Variants in SGCD observed in about 807,000 individuals in gnomAD.
SGCD encodes delta-sarcoglycan.
SGCD carries 18 observed loss-of-function variants against 36.6 expected under a neutral mutation model. The observed-to-expected ratio is 0.49, with a 90% CI of 0.34 to 0.73. The LOEUF (loss-of-function observed/expected upper bound fraction) is 0.73. Ranked by LOEUF, SGCD falls within the 30% of genes least tolerant of loss-of-function variation. The pLI, the probability that SGCD is intolerant of heterozygous loss-of-function variation, is 0.01. For missense variants in SGCD, 387 were observed against 346.7 expected, an observed-to-expected ratio of 1.12 and a Z score of -0.92; for synonymous variants, 133 against 130.6, an observed-to-expected ratio of 1.02 and a Z score of -0.12.
intron 1 of SGCD, among the ~76,000 whole-genome samples, chr5:155,903,828 G>A (rs1345374923): frequency 1.3e-5 from 2 of 152,146 alleles, no homozygotes; most frequent in Non-Finnish European, 2.9e-5. Flanking sequence ...TAAATACCTA[G>A]TTTCTTCCTG....
intron 4 of SGCD, among the ~76,000 whole-genome samples, chr5:156,579,603 G>T (rs2113328333): frequency 6.6e-6 from 1 of 152,182 alleles, no homozygotes; most frequent in East Asian, 1.9e-4. Context: ...CTCCTGTATT[G>T]GGTGCATATA....
chr5:156,530,314 A>C (rs1757834297), intron 4 of SGCD, among the ~76,000 whole-genome samples: 1 of 152,238 alleles, frequency 6.6e-6, no homozygotes, highest in Admixed American at 6.5e-5. Context: ...TGGAAAGATT[A>C]ATTATCCTTA....
chr5:156,475,520 C>G (rs1755141904), intron 3 of SGCD, among the ~76,000 whole-genome samples: 1 of 152,170 alleles, frequency 6.6e-6, no homozygotes, highest in African/African-American at 2.4e-5. Context: ...CTGACTGGTT[C>G]TATCATTTTG....
At chr5:155,832,028 G>T in the SGCD span, among the ~76,000 whole-genome samples, 2 of 152,212 alleles carry the variant, frequency 1.3e-5, no homozygotes, top group African/African-American at 4.8e-5. Flanking sequence ...GCAAAGGAAA[G>T]CGTATTAACT....
intron 7 of SGCD, among the ~76,000 whole-genome samples, chr5:156,727,364 G>A (rs1299832108): frequency 6.6e-6 from 1 of 152,158 alleles, no homozygotes; most frequent in Non-Finnish European, 1.5e-5. Context: ...AAGGAGTGGG[G>A]AAAAGAGGCA....
chr5:156,220,293 G>A (rs1163785388), intron 3 of SGCD, among the ~76,000 whole-genome samples: 1 of 152,094 alleles, frequency 6.6e-6, no homozygotes, highest in Non-Finnish European at 1.5e-5. Flanking sequence ...TACTAGCAAG[G>A]TACGTTGGAG....
At chr5:156,433,576 G>A (rs777325179) in intron 3 of SGCD, among the ~76,000 whole-genome samples, 10 of 152,134 alleles carry the variant, frequency 6.6e-5, no homozygotes, top group Non-Finnish European at 1.3e-4. Flanking sequence ...CCTACTACCT[G>A]TACAGTATTA....
At chr5:156,243,331 G>A (rs1228269690) in intron 3 of SGCD, among the ~76,000 whole-genome samples, 1 of 152,218 alleles carries the variant, frequency 6.6e-6, no homozygotes, top group Non-Finnish European at 1.5e-5. Flanking sequence ...GTAGACTGAG[G>A]AGGTCATTTG....
intron 1 of SGCD, among the ~76,000 whole-genome samples, chr5:156,045,622 G>C (rs774047204): frequency 1.1e-4 from 16 of 152,138 alleles, no homozygotes; most frequent in Non-Finnish European, 2.2e-4. Context: ...TGATGTTCTA[G>C]ATCCAACTAA....
At chr5:156,353,875 C>T (rs17053465) in intron 3 of SGCD, among the ~76,000 whole-genome samples, 26,175 of 152,132 alleles carry the variant, frequency 0.17, 2,971 homozygotes, top group African/African-American at 0.33. Context: ...TTTGAAACTT[C>T]CTGTGTTTTA....
intron 4 of SGCD, among the ~76,000 whole-genome samples, chr5:156,521,046 A>C (rs1410095213): frequency 5.4e-5 from 8 of 148,680 alleles, no homozygotes; most frequent in East Asian, 2.0e-4. Context: ...AAAAAAGACC[A>C]CACATCTACA....
the SGCD span, among the ~76,000 whole-genome samples, chr5:155,745,738 G>C: frequency 6.6e-6 from 1 of 152,018 alleles, no homozygotes; most frequent in Non-Finnish European, 1.5e-5. Context: ...GGAAAAACAT[G>C]AACAGTTGTA....
At chr5:156,619,917 G>A (rs1239637316) in intron 6 of SGCD, among the ~76,000 whole-genome samples, 1 of 152,272 alleles carries the variant, frequency 6.6e-6, no homozygotes, top group Non-Finnish European at 1.5e-5. Context: ...CTTTTGCACC[G>A]TCTTCCCTGG....
At chr5:156,090,479 T>C (rs1425295270) in intron 1 of SGCD, among the ~76,000 whole-genome samples, 3 of 152,048 alleles carry the variant, frequency 2.0e-5, no homozygotes, top group Non-Finnish European at 4.4e-5. Flanking sequence ...GAGGGGGTGT[T>C]ACATGCTTCA....
At chr5:156,400,311 T>C (rs565254593) in intron 3 of SGCD, among the ~76,000 whole-genome samples, 36 of 152,338 alleles carry the variant, frequency 2.4e-4, no homozygotes, top group Admixed American at 1.0e-3. Flanking sequence ...GGAGAAAATA[T>C]ACAGTTTCCA....
intron 3 of SGCD, among the ~76,000 whole-genome samples, chr5:156,435,895 T>C (rs1354448671): frequency 6.6e-6 from 1 of 152,178 alleles, no homozygotes; most frequent in African/African-American, 2.4e-5. Flanking sequence ...GCAGGCTACC[T>C]TCTGTCCAAG....
chr5:156,653,393 A>G (rs559960391), intron 7 of SGCD, among the ~76,000 whole-genome samples: 40 of 150,766 alleles, frequency 2.7e-4, no homozygotes, highest in Non-Finnish European at 2.1e-4. Flanking sequence ...AGGTGTTCAT[A>G]ATAGTCTTTG....
chr5:156,580,844 A>G (rs1320059762), intron 4 of SGCD, among the ~76,000 whole-genome samples: 1 of 152,136 alleles, frequency 6.6e-6, no homozygotes, highest in Non-Finnish European at 1.5e-5. Flanking sequence ...ATGGGTTCGA[A>G]CATCCTCCTA....
intron 3 of SGCD, among the ~76,000 whole-genome samples, chr5:156,300,026 GC>G (rs1767011673): frequency 2.0e-5 from 3 of 152,002 alleles, no homozygotes; most frequent in South Asian, 4.2e-4. Context: ...CGGAGGAAAG[GC>G]TTTCAGTTTT....
Sources: allele counts gnomAD v4.1 joint callset (sites outside exome capture counted in the v4.1 genomes callset), GRCh38; gene constraint gnomAD v4.1.1; transcripts MANE v1.5; gene names NCBI Gene and HGNC (gene_info 2026-07-23, HGNC 2026-07-21).